The following LMO3 variants were observed in gnomAD, a reference collection of about 807,000 sequenced individuals.
The protein encoded by LMO3 is LIM domain only protein 3.
LMO3 carries 2 observed loss-of-function variants against 15.8 expected under a neutral mutation model. The observed-to-expected ratio is 0.13, with a 90% CI of 0.05 to 0.40. The LOEUF (loss-of-function observed/expected upper bound fraction) is 0.40, where lower values mean the gene tolerates loss of function less well. Ranked by LOEUF, LMO3 falls within the 10% of genes least tolerant of loss-of-function variation. The pLI, the probability that LMO3 is intolerant of heterozygous loss-of-function variation, is 0.99. For synonymous variants in LMO3, 62 were observed against 63.8 expected, an observed-to-expected ratio of 0.97 and a Z score of 0.13; for missense variants, 86 against 182.2, an observed-to-expected ratio of 0.47 and a Z score of 3.04.
rs143810230 is a variant in LMO3, at chr12:16,600,855, G to C, written c.6C>G (p.Leu2=). 40 of 1,613,834 alleles carry C rather than the reference G, an allele frequency of 2.5e-5. No individual in the cohort carries two copies. The highest frequency in any genetic ancestry group is 3.2e-5 in the Non-Finnish European group (38 of 1,179,934). M[L]SVQPDTKPKG... is the part of the protein sequence containing the mutation. ...TCGGCTTGGTGTCTGGCTGGACTGA[G>C]AGCATTTGTATACCTAAAGGAAGAC... Residue 2 remains leucine (L), a synonymous_variant, in exon 2 of 4, where the codon CTC becomes CTG. Coordinates refer to ENST00000537304, the MANE Select transcript of LMO3 (RefSeq NM_018640.5).
rs1049786644 is a variant in LMO3, at chr12:16,585,394, A to G, written c.206+15261T>C. On this transcript the variant is annotated intron_variant, in intron 2 of 3. Transcript: ENST00000537304. This position sits in a 1 kb window ranked among gnomAD's most constrained non-coding sequence, Gnocchi z 4.7. ...AACAATCACTTGGCCACAAAGATTAATATTAACCTATATTAAAGGTTATTT... is the reference window on the plus strand; with the variant it reads ...AACAATCACTTGGCCACAAAGATTAGTATTAACCTATATTAAAGGTTATTT... Among the ~76,000 whole-genome samples the G allele has an allele frequency of 2.6e-5, 4 of 152,232 alleles. No individual in the cohort carries two copies. Among genetic ancestry groups the G allele is most frequent in the African/African-American group, 4.8e-5 (2 of 41,470 alleles).
At chr12:16,565,994 AT>A (rs1942587288) in intron 2 of LMO3, among the ~76,000 whole-genome samples, 1 of 13,414 alleles carries the variant, frequency 7.5e-5, no homozygotes, top group Non-Finnish European at 1.6e-4. Flanking sequence ...ATATATATAT[AT>A]ATATATATAT....
At chr12:16,609,020 T>C (rs1045991485), upstream of LMO3, 2 of 152,206 alleles carry the variant, frequency 1.3e-5, no homozygotes, top group Admixed American at 6.5e-5. Flanking sequence ...AGATTTTTTT[T>C]AATCTGTGCT....
rs1423826331 is a variant in LMO3, at chr12:16,549,314, C to A, written c.*1908G>T. 1 of 152,132 alleles carries A rather than the reference C, an allele frequency of 6.6e-6. No individual in the cohort carries two copies. The highest frequency in any genetic ancestry group is 2.4e-5 in the African/African-American group (1 of 41,424). The allele number at this position is 152,132 out of a possible 1,614,324, so 9.4% of individuals were successfully genotyped here. On this transcript the variant is annotated 3_prime_UTR_variant, in exon 4 of 4. Coordinates refer to ENST00000537304, the MANE Select transcript of LMO3 (RefSeq NM_018640.5). ...CAAATAGCTACTTTTGAATTTCTTTCTTTAGTATATCTCAAATCTGGGGAA... is the reference window on the plus strand; with the variant it reads ...CAAATAGCTACTTTTGAATTTCTTTATTTAGTATATCTCAAATCTGGGGAA...
chr12:16,591,460 A>G lies in LMO3; in HGVS notation c.206+9195T>C, dbSNP rs1943493069. Among the ~76,000 whole-genome samples the G allele has an allele frequency of 6.6e-6, 1 of 151,926 alleles. No individual in the cohort carries two copies. The highest frequency in any genetic ancestry group is 1.5e-5 in the Non-Finnish European group (1 of 67,946). ...TGTGTTTATCATCTCCTCATGCCCT[A>G]TACTTATTTTGTTGATTACCTATTT... On this transcript the variant is annotated intron_variant, in intron 2 of 3. Transcript: ENST00000537304. This position sits in a 1 kb window ranked among gnomAD's most constrained non-coding sequence, Gnocchi z 4.1.
chr12:16,605,611 G>A, intron 1 of LMO3: 1 of 720,450 alleles, frequency 1.4e-6, no homozygotes, highest in Non-Finnish European at 2.2e-6. Flanking sequence ...AGGGGGAGGG[G>A]TCCGGAAACC....
In LMO3 at chr12:16,560,629, C is replaced by CATTGTGTATTGTAGCTT; in HGVS notation, c.207-92_207-91insAAGCTACAATACACAAT. ...GATGATGTTAATATACTCTGTAAAGCTACAATACACAATGCTTTATGATGT... is the reference window on the plus strand; with the variant it reads ...GATGATGTTAATATACTCTGTAAAGCATTGTGTATTGTAGCTTTACAATACACAATGCTTTATGATGT... On this transcript the variant is annotated intron_variant, in intron 2 of 3. Coordinates refer to ENST00000537304, the MANE Select transcript of LMO3 (RefSeq NM_018640.5). This position sits in a 1 kb window ranked among gnomAD's most constrained non-coding sequence, Gnocchi z 5.0. 1 of 1,126,298 alleles carries CATTGTGTATTGTAGCTT rather than the reference C, an allele frequency of 8.9e-7. No homozygotes were observed. Among genetic ancestry groups the CATTGTGTATTGTAGCTT allele is most frequent in the East Asian group, 2.5e-5 (1 of 40,688 alleles). 69.8% of individuals were successfully genotyped at this position (1,126,298 alleles called of 1,614,324 possible).
In LMO3 at chr12:16,555,099, G is replaced by A. The variant is rs1366968623; in HGVS notation, c.333-3772C>T. On this transcript the variant is annotated intron_variant, in intron 3 of 3. Transcript: ENST00000537304. The surrounding 1 kb of genome is among the most constrained non-coding windows in gnomAD (Gnocchi z 5.5). Reference sequence around the variant, plus strand: ...TTATGGGATATTTTGAGTATTAAACGAATGAGTACATGTAAAACACTCAGA... The same window carrying A: ...TTATGGGATATTTTGAGTATTAAACAAATGAGTACATGTAAAACACTCAGA... Among the ~76,000 whole-genome samples the A allele has an allele frequency of 1.3e-5, 2 of 152,184 alleles. No individual in the cohort carries two copies. The highest frequency in any genetic ancestry group is 2.9e-5 in the Non-Finnish European group (2 of 68,034).
In LMO3 at chr12:16,598,994, C is replaced by A; in HGVS notation, c.206+1661G>T. The A allele has an allele frequency of 3.8e-6, 1 of 262,398 alleles. No homozygotes were observed. Among genetic ancestry groups the A allele is most frequent in the Non-Finnish European group, 7.7e-6 (1 of 130,116 alleles). The allele number at this position is 262,398 out of a possible 1,614,324, so 16.3% of individuals were successfully genotyped here. A position where few individuals can be genotyped will look rare whatever the true frequency, so the allele number is the denominator to read the frequency against. On this transcript the variant is annotated intron_variant, in intron 2 of 3. Coordinates refer to ENST00000537304, the MANE Select transcript of LMO3 (RefSeq NM_018640.5). This position sits in a 1 kb window ranked among gnomAD's most constrained non-coding sequence, Gnocchi z 4.3. ...TGAAATTACAAACAAATGTAAAAGT[C>A]AAAAGGAGTCAAAAAGCTATGACTA... is the stretch of plus-strand genomic sequence containing the variant.
intron 2 of LMO3, chr12:16,600,316 GAAAA>G (rs1163504437): frequency 1.9e-5 from 2 of 102,914 alleles, no homozygotes; most frequent in East Asian, 5.9e-4. Context: ...AAAAAAAAAA[GAAAA>G]AAAAGAAAAA....
chr12:16,551,414 T>C, intron 3 of LMO3, 87 bp from the exon 4 acceptor site: 1 of 789,346 alleles, frequency 1.3e-6, no homozygotes, highest in South Asian at 1.5e-5. Context: ...ATTAATAGTT[T>C]CGCATGGTAA....
chr12:16,572,516 G>A (rs1265537285), intron 2 of LMO3, among the ~76,000 whole-genome samples: 1 of 149,468 alleles, frequency 6.7e-6, no homozygotes, highest in African/African-American at 2.4e-5. Context: ...AAGCTGCTAT[G>A]CCAAAGTGCC....
At chr12:16,557,303 A>T (rs1350492118) in intron 3 of LMO3, among the ~76,000 whole-genome samples, 1 of 152,106 alleles carries the variant, frequency 6.6e-6, no homozygotes, top group African/African-American at 2.4e-5. Context: ...ACCACCAGGG[A>T]TCAAATAAAT....
chr12:16,608,107 A>G (rs1944062357), upstream of LMO3: 1 of 152,320 alleles, frequency 6.6e-6, no homozygotes, highest in African/African-American at 2.4e-5. The surrounding 1 kb of genome is among the most constrained non-coding windows in gnomAD (Gnocchi z 4.1). Context: ...TCTCTGCTAC[A>G]GCCACTCTGA....
chr12:16,601,276 A>C (rs1455656518), intron 1 of LMO3, among the ~76,000 whole-genome samples: 1 of 152,242 alleles, frequency 6.6e-6, no homozygotes, highest in Non-Finnish European at 1.5e-5. Context: ...CAAGTAAAAA[A>C]ATGAGTTTTG....
intron 2 of LMO3, among the ~76,000 whole-genome samples, chr12:16,578,131 C>A (rs1047208896): frequency 6.6e-6 from 1 of 152,122 alleles, no homozygotes; most frequent in South Asian, 2.1e-4. Flanking sequence ...TGCCAGGCAA[C>A]AGAGACTGAG....
chr12:16,569,415 C>A (rs927353594), intron 2 of LMO3, among the ~76,000 whole-genome samples: 33 of 152,128 alleles, frequency 2.2e-4, no homozygotes, highest in African/African-American at 8.0e-4. Context: ...TCTTTCTACA[C>A]CTGACTCTTA....
chr12:16,600,406 C>G, intron 2 of LMO3: 1 of 418,288 alleles, frequency 2.4e-6, no homozygotes, highest in Non-Finnish European at 4.3e-6. Context: ...ACATAGGCAG[C>G]GCCATAACCA....
intron 2 of LMO3, among the ~76,000 whole-genome samples, chr12:16,568,775 T>G (rs2137413782): frequency 6.6e-6 from 1 of 152,336 alleles, no homozygotes; most frequent in African/African-American, 2.4e-5. Flanking sequence ...ATTCTATTTC[T>G]ATTGGACAGT....
Sources: allele counts gnomAD v4.1 joint callset (sites outside exome capture counted in the v4.1 genomes callset), GRCh38; gene constraint gnomAD v4.1.1; non-coding constraint Gnocchi (gnomAD v3.1); transcripts MANE v1.5; gene names NCBI Gene and HGNC (gene_info 2026-07-23, HGNC 2026-07-21).